IGSF11: variants seen among roughly 807,000 people sequenced by gnomAD.
IGSF11 encodes the protein immunoglobulin superfamily member 11.
Under a neutral mutation model 41.0 loss-of-function variants are expected in IGSF11, and 22 were observed. The ratio of observed to expected loss-of-function variants is 0.54; its 90% confidence interval spans 0.38 to 0.77. IGSF11 has a LOEUF of 0.77. IGSF11 is among the 30% of genes least tolerant of loss of function. The probability of loss-of-function intolerance (pLI) is 0.00; values close to 1 mark genes in which losing one functional copy is unlikely to be tolerated. For synonymous variants in IGSF11, 219 were observed against 201.3 expected (o/e 1.09, Z -0.74); for missense variants, 444 against 530.8 (o/e 0.84, Z 1.61).
intron 3 of IGSF11, 146 bp downstream of exon 3, chr3:118,928,363 G>A (rs932663649): frequency 3.5e-5 from 22 of 626,218 alleles, no homozygotes; most frequent in Non-Finnish European, 3.4e-5. Context: ...AAGAAGCATG[G>A]AGAAGGAGAG....
chr3:119,000,147 C>T (rs1329857267), intron 1 of IGSF11, among the ~76,000 whole-genome samples: 1 of 143,472 alleles, frequency 7.0e-6, no homozygotes, highest in African/African-American at 2.7e-5. Context: ...CCTCCTACCT[C>T]TCTGGCTGCT....
chr3:119,094,018 C>T (rs1490169093), intron 1 of IGSF11, among the ~76,000 whole-genome samples: 1 of 151,638 alleles, frequency 6.6e-6, no homozygotes, highest in African/African-American at 2.4e-5. Flanking sequence ...TTTTAAGAGA[C>T]ATTTTCGTAA....
intron 1 of IGSF11, among the ~76,000 whole-genome samples, chr3:119,068,916 C>CTTTTTTTTTTTTT: frequency 8.8e-6 from 1 of 114,140 alleles, no homozygotes; most frequent in Non-Finnish European, 1.7e-5. Flanking sequence ...TGGTTATTTT[C>CTTTTTTTTTTTTT]TTTTTTTTTT....
chr3:119,060,865 C>T (rs973293597), intron 1 of IGSF11, among the ~76,000 whole-genome samples: 2 of 152,164 alleles, frequency 1.3e-5, no homozygotes, highest in Non-Finnish European at 2.9e-5. Context: ...TTAATGAACA[C>T]TCTTCCTTAA....
Position 119,122,500 on chromosome 3 carries a change from G to A in IGSF11, c.-13-17295C>T, listed in dbSNP as rs192000361. On this transcript the variant is annotated intron_variant, in intron 1 of 7. Transcript: ENST00000425327. ...CACAAGGACTGCAACTCCTAGGTGA[G>A]TCCTAGCACTAAGCTGGGCTCAGAG... 2.0e-5 allele frequency among the ~76,000 whole-genome samples: 3 copies of A among 152,206 alleles called. No homozygotes were observed. In the East Asian group the frequency reaches 5.8e-4, roughly 29 times the overall value.
intron 1 of IGSF11, among the ~76,000 whole-genome samples, chr3:118,965,843 T>C (rs896970344): frequency 6.6e-6 from 1 of 152,134 alleles, no homozygotes; most frequent in Admixed American, 6.6e-5. Context: ...GTTTACTGCA[T>C]AGTAATAAAA....
At chr3:119,086,815 G>T (rs529613403) in intron 1 of IGSF11, among the ~76,000 whole-genome samples, 1 of 152,276 alleles carries the variant, frequency 6.6e-6, no homozygotes, top group African/African-American at 2.4e-5. Flanking sequence ...TAAGCACATA[G>T]CCCACAGGTA....
chr3:119,050,943 C>T (rs1941597198), intron 1 of IGSF11, among the ~76,000 whole-genome samples: 1 of 138,980 alleles, frequency 7.2e-6, no homozygotes, highest in Admixed American at 8.5e-5. Flanking sequence ...GGGAATTGAA[C>T]AATGATATCA....
chr3:119,011,571 G>A (rs775691397), intron 1 of IGSF11, among the ~76,000 whole-genome samples: 1 of 152,098 alleles, frequency 6.6e-6, no homozygotes, highest in Non-Finnish European at 1.5e-5. Flanking sequence ...CTACCAGAGA[G>A]AGAAAGAGGA....
intron 1 of IGSF11, among the ~76,000 whole-genome samples, chr3:119,111,411 G>A (rs938456805): frequency 6.6e-5 from 10 of 152,006 alleles, no homozygotes; most frequent in East Asian, 1.9e-4. Flanking sequence ...CATTCTTCAC[G>A]TAGTTCTTGA....
At chr3:118,975,258 C>T (rs936762058) in intron 1 of IGSF11, among the ~76,000 whole-genome samples, 2 of 151,710 alleles carry the variant, frequency 1.3e-5, no homozygotes, top group Non-Finnish European at 2.9e-5. Flanking sequence ...AATGTTATCC[C>T]ACCACTTTTC....
chr3:118,925,549 A>T (rs540894870), intron 4 of IGSF11, among the ~76,000 whole-genome samples: 135 of 152,284 alleles, frequency 8.9e-4, no homozygotes, highest in Non-Finnish European at 1.5e-3. Flanking sequence ...AACTAAATTT[A>T]AGCAGCTGGG....
chr3:119,058,366 T>C (rs369989352), intron 1 of IGSF11, among the ~76,000 whole-genome samples: 1 of 152,136 alleles, frequency 6.6e-6, no homozygotes, highest in East Asian at 1.9e-4. Flanking sequence ...AAAAGACACA[T>C]GAAAAAATGC....
At chr3:119,081,849 G>C (rs754358770) in intron 1 of IGSF11, among the ~76,000 whole-genome samples, 20 of 152,114 alleles carry the variant, frequency 1.3e-4, no homozygotes, top group African/African-American at 4.8e-4. Flanking sequence ...AATATATTTA[G>C]GGACAAGAAA....
At chr3:118,942,423 T>C (rs766149465) in intron 1 of IGSF11, among the ~76,000 whole-genome samples, 2 of 152,360 alleles carry the variant, frequency 1.3e-5, no homozygotes, top group Middle Eastern at 3.4e-3. Flanking sequence ...GTGCTAGCAA[T>C]AGAAGCTCAA....
At chr3:119,044,634 G>T (rs1941247947) in intron 1 of IGSF11, among the ~76,000 whole-genome samples, 1 of 152,146 alleles carries the variant, frequency 6.6e-6, no homozygotes, top group Admixed American at 6.6e-5. Context: ...TTAAGATGAA[G>T]AAAAGAATCT....
intron 1 of IGSF11, among the ~76,000 whole-genome samples, chr3:119,125,374 C>G (rs2077390428): frequency 6.6e-6 from 1 of 152,104 alleles, no homozygotes; most frequent in African/African-American, 2.4e-5. Context: ...AGAAAGGGGT[C>G]TGCAAAGGGT....
At chr3:119,005,787 C>T (rs6780711) in intron 1 of IGSF11, among the ~76,000 whole-genome samples, 1,521 of 84,786 alleles carry the variant, frequency 0.018, 20 homozygotes, top group Middle Eastern at 0.036. Flanking sequence ...TGTTGAATAT[C>T]GGCCCCCACT....
At chr3:119,049,482 T>C (rs1422686928) in intron 1 of IGSF11, among the ~76,000 whole-genome samples, 3 of 152,090 alleles carry the variant, frequency 2.0e-5, no homozygotes, top group African/African-American at 2.4e-5. Flanking sequence ...CAAACCGCTG[T>C]TCAAGGAAAT....
Sources: gnomAD v4.1 joint callset for allele counts (sites outside exome capture counted in the v4.1 genomes callset) on GRCh38, gnomAD v4.1.1 for gene constraint, MANE v1.5 for transcripts, NCBI Gene and HGNC (gene_info 2026-07-23, HGNC 2026-07-21) for gene names.